NKAIN2: variants seen among roughly 807,000 people sequenced by gnomAD.
The protein encoded by NKAIN2 is sodium/potassium-transporting ATPase subunit beta-1-interacting protein 2.
In NKAIN2, 14 loss-of-function variants were observed where a neutral mutation model predicts 32.6. The observed-to-expected ratio is 0.43, with a 90% CI of 0.28 to 0.67. The LOEUF (loss-of-function observed/expected upper bound fraction) is 0.67. NKAIN2 is among the 30% of genes least tolerant of loss of function. NKAIN2 has a pLI of 0.17. For synonymous variants in NKAIN2, 80 were observed against 87.2 expected (o/e 0.92, Z 0.46); for missense variants, 198 against 258.3 (o/e 0.77, Z 1.60).
chr6:124,139,169 AG>A (rs1445747413), intron 1 of NKAIN2, among the ~76,000 whole-genome samples: 1 of 138,714 alleles, frequency 7.2e-6, no homozygotes, highest in East Asian at 2.2e-4. Context: ...GCTCACTGCA[AG>A]CTCCGCTTCC....
intron 1 of NKAIN2, among the ~76,000 whole-genome samples, chr6:124,032,069 G>A (rs1200917032): frequency 6.6e-6 from 1 of 151,928 alleles, no homozygotes; most frequent in African/African-American, 2.4e-5. Context: ...ATACACCATG[G>A]AATACTATGC....
intron 3 of NKAIN2, among the ~76,000 whole-genome samples, chr6:124,467,071 A>G (rs900424130): frequency 2.0e-5 from 3 of 152,132 alleles, no homozygotes; most frequent in Admixed American, 6.6e-5. Flanking sequence ...GAGGATGAAT[A>G]TATAAAGATC....
At chr6:124,010,665 G>T (rs928014420) in intron 1 of NKAIN2, among the ~76,000 whole-genome samples, 1 of 151,772 alleles carries the variant, frequency 6.6e-6, no homozygotes, top group Non-Finnish European at 1.5e-5. Flanking sequence ...ATAGTAGTTT[G>T]TATGCAGTGT....
chr6:124,270,588 T>C (rs1794714738), intron 1 of NKAIN2, among the ~76,000 whole-genome samples: 1 of 152,154 alleles, frequency 6.6e-6, no homozygotes, highest in African/African-American at 2.4e-5. Flanking sequence ...ATAAGAACAT[T>C]GCAAGCTATT....
chr6:124,247,429 A>G (rs992733892), intron 1 of NKAIN2, among the ~76,000 whole-genome samples: 1 of 152,136 alleles, frequency 6.6e-6, no homozygotes, highest in African/African-American at 2.4e-5. Context: ...CTTTTCCGCA[A>G]TTTCTACTCA....
intron 2 of NKAIN2, among the ~76,000 whole-genome samples, chr6:124,295,423 T>A (rs1012285414): frequency 6.6e-6 from 1 of 152,118 alleles, no homozygotes; most frequent in African/African-American, 2.4e-5. Context: ...AGCTGACAAT[T>A]TAGTAAAACT....
intron 2 of NKAIN2, among the ~76,000 whole-genome samples, chr6:124,337,860 C>CT (rs1797945473): frequency 6.6e-6 from 1 of 152,084 alleles, no homozygotes; most frequent in Non-Finnish European, 1.5e-5. Context: ...TACAGATGTG[C>CT]TGGGATGTTG....
At chr6:124,274,831 A>G (rs1283885353) in intron 1 of NKAIN2, among the ~76,000 whole-genome samples, 1 of 152,076 alleles carries the variant, frequency 6.6e-6, no homozygotes, top group African/African-American at 2.4e-5. Context: ...TAAGCTAAAA[A>G]TCTAAACACT....
At chr6:124,568,203 C>A (rs769270636) in intron 3 of NKAIN2, among the ~76,000 whole-genome samples, 25 of 152,228 alleles carry the variant, frequency 1.6e-4, no homozygotes, top group Non-Finnish European at 3.2e-4. Flanking sequence ...CAGAAAGATA[C>A]ATAGCAAAAA....
chr6:124,674,434 G>A (rs542035199), intron 4 of NKAIN2, among the ~76,000 whole-genome samples: 27 of 152,058 alleles, frequency 1.8e-4, no homozygotes, highest in African/African-American at 6.0e-4. Flanking sequence ...CATTGAATCT[G>A]TAGATTGTTT....
intron 1 of NKAIN2, among the ~76,000 whole-genome samples, chr6:124,207,195 G>C (rs1790937256): frequency 6.6e-6 from 1 of 151,528 alleles, no homozygotes; most frequent in Non-Finnish European, 1.5e-5. Flanking sequence ...GGGGGGCTGA[G>C]GTGGGAGGAT....
intron 4 of NKAIN2, among the ~76,000 whole-genome samples, chr6:124,778,313 CA>C (rs1258475513): frequency 6.6e-6 from 1 of 151,424 alleles, no homozygotes; most frequent in Non-Finnish European, 1.5e-5. Flanking sequence ...GGAACGAAAA[CA>C]TGGTTCTTAT....
intron 4 of NKAIN2, among the ~76,000 whole-genome samples, chr6:124,681,046 A>C (rs1773597891): frequency 6.6e-6 from 1 of 151,946 alleles, no homozygotes; most frequent in South Asian, 2.1e-4. Context: ...AACTGAGAAC[A>C]GTCCATAGAG....
At chr6:124,696,297 G>A (rs942984792) in intron 4 of NKAIN2, among the ~76,000 whole-genome samples, 6 of 152,122 alleles carry the variant, frequency 3.9e-5, no homozygotes, top group Admixed American at 1.3e-4. Context: ...GAGAAGCTCA[G>A]AGAGAGAGTT....
chr6:124,276,293 AACACACACACAC>A (rs149321217), intron 1 of NKAIN2, among the ~76,000 whole-genome samples: 1 of 145,850 alleles, frequency 6.9e-6, no homozygotes. Flanking sequence ...CCCCTTGGTG[AACACACACACAC>A]ACACACACAC....
At chr6:123,864,690 G>A (rs1775914830) in intron 1 of NKAIN2, among the ~76,000 whole-genome samples, 2 of 152,254 alleles carry the variant, frequency 1.3e-5, no homozygotes, top group Admixed American at 6.5e-5. Context: ...AACAATAAAT[G>A]CAAAGCCCTG....
intron 4 of NKAIN2, among the ~76,000 whole-genome samples, chr6:124,698,383 A>G (rs1443145807): frequency 6.6e-6 from 1 of 152,210 alleles, no homozygotes; most frequent in African/African-American, 2.4e-5. Context: ...GGAAAATATG[A>G]AAGGCTTGGG....
chr6:124,322,207 C>A (rs1443740421), intron 2 of NKAIN2, among the ~76,000 whole-genome samples: 1 of 152,030 alleles, frequency 6.6e-6, no homozygotes, highest in Non-Finnish European at 1.5e-5. Flanking sequence ...AATTATAGAG[C>A]ATTACACTTG....
chr6:124,359,715 C>T (rs544375911), intron 3 of NKAIN2, among the ~76,000 whole-genome samples: 100 of 152,224 alleles, frequency 6.6e-4, no homozygotes, highest in African/African-American at 1.9e-3. Flanking sequence ...ATGTCATCTG[C>T]GAACAGGGAC....
Sources: gnomAD v4.1 joint callset for allele counts (sites outside exome capture counted in the v4.1 genomes callset) on GRCh38, gnomAD v4.1.1 for gene constraint, MANE v1.5 for transcripts, NCBI Gene and HGNC (gene_info 2026-07-23, HGNC 2026-07-21) for gene names.